The following NRXN3 variants were observed in gnomAD, a reference collection of about 807,000 sequenced individuals.
The protein encoded by NRXN3 is neurexin III.
Under a neutral mutation model 137.6 loss-of-function variants are expected in NRXN3, and 32 were observed. The ratio of observed to expected loss-of-function variants is 0.23; its 90% CI spans 0.18 to 0.31. The LOEUF (loss-of-function observed/expected upper bound fraction) is 0.31. Ranked by LOEUF, NRXN3 falls within the 10% of genes least tolerant of loss-of-function variation. The pLI is 1.00. For synonymous variants in NRXN3, 798 were observed against 784.5 expected (o/e 1.02, Z -0.29); for missense variants, 1,574 against 2,062.5 (o/e 0.76, Z 4.59).
intron 15 of NRXN3, among the ~76,000 whole-genome samples, chr14:79,228,404 A>T (rs1001870326): frequency 3.9e-5 from 6 of 152,174 alleles, no homozygotes; most frequent in Non-Finnish European, 8.8e-5. Flanking sequence ...TAAATTTTTT[A>T]AAAAGTGCAT....
chr14:79,811,840 C>T (rs1218420320), intron 20 of NRXN3, among the ~76,000 whole-genome samples: 2 of 151,976 alleles, frequency 1.3e-5, no homozygotes, highest in Non-Finnish European at 2.9e-5. Flanking sequence ...CCTCAGCCTC[C>T]CACAGTGCTG....
intron 4 of NRXN3, among the ~76,000 whole-genome samples, chr14:78,568,961 GT>G (rs34485878): frequency 4.9e-3 from 512 of 103,744 alleles, no homozygotes; most frequent in East Asian, 0.018. Context: ...GACTTTGCAG[GT>G]TTTTTTTTTT....
chr14:79,148,831 C>T (rs1356105056), intron 15 of NRXN3, among the ~76,000 whole-genome samples: 1 of 152,122 alleles, frequency 6.6e-6, no homozygotes, highest in Non-Finnish European at 1.5e-5. Flanking sequence ...TCCTTTTCTC[C>T]ACAAATCCTC....
chr14:78,558,952 T>A (rs2096763079), intron 4 of NRXN3, among the ~76,000 whole-genome samples: 1 of 152,234 alleles, frequency 6.6e-6, no homozygotes. Flanking sequence ...CCTGTCCTTG[T>A]AAACTACACT....
intron 4 of NRXN3, among the ~76,000 whole-genome samples, chr14:78,342,563 G>C (rs2153582756): frequency 6.6e-6 from 1 of 152,324 alleles, no homozygotes; most frequent in South Asian, 2.1e-4. Flanking sequence ...CAGCAAACCT[G>C]TGAGCTAGGT....
At chr14:79,783,304 G>A (rs1178935775) in intron 19 of NRXN3, among the ~76,000 whole-genome samples, 1 of 152,164 alleles carries the variant, frequency 6.6e-6, no homozygotes, top group Admixed American at 6.5e-5. Context: ...TCATTAACTA[G>A]GAGGAAATGT....
chr14:78,913,171 A>G lies in NRXN3; in HGVS notation c.2276-44071A>G, dbSNP rs1597314309. On this transcript the variant is annotated intron_variant, in intron 10 of 20. Transcript: ENST00000335750. ...AAGTAAGCACAAAAATGAGAAACTC[A>G]ATTCCATTTTTACAGCTTCCTTACA... Among the ~76,000 whole-genome samples, 4 of 151,978 alleles carry G rather than the reference A, an allele frequency of 2.6e-5. 1 individual carries two copies. The East Asian group carries it at 7.7e-4, about 29-fold the overall frequency.
At chr14:79,019,506 A>ATT (rs2099585151) in intron 15 of NRXN3, among the ~76,000 whole-genome samples, 1 of 152,190 alleles carries the variant, frequency 6.6e-6, no homozygotes. Flanking sequence ...AGGGCCAGGG[A>ATT]TAATGTAATT....
Position 78,243,019 on chromosome 14 carries a change from T to C in NRXN3, c.-75T>C. On this transcript the variant is annotated 5_prime_UTR_variant, in exon 2 of 21. Coordinates refer to ENST00000335750, the MANE Select transcript of NRXN3 (RefSeq NM_001330195.2). This position sits in a 1 kb window ranked among gnomAD's most constrained non-coding sequence, Gnocchi z 4.2. ...CTCTGTCTTGTCTTTCCCACTTCTA[T>C]TGCCAAAGGGAGAGATCCTCTCCGG... 1.8e-6 allele frequency: 2 copies of C among 1,103,916 alleles called. No homozygotes were observed. The highest frequency in any genetic ancestry group is 2.5e-6 in the Non-Finnish European group (2 of 793,470). 68.4% of individuals were successfully genotyped at this position (1,103,916 alleles called of 1,614,324 possible).
At chr14:79,772,938 AC>A (rs913327474) in intron 19 of NRXN3, among the ~76,000 whole-genome samples, 64 of 152,306 alleles carry the variant, frequency 4.2e-4, no homozygotes, top group African/African-American at 1.4e-3. Context: ...CAAGAAAAAA[AC>A]ATACAACCCC....
At chr14:79,770,911 A>T (rs1398121702) in intron 19 of NRXN3, among the ~76,000 whole-genome samples, 1 of 152,208 alleles carries the variant, frequency 6.6e-6, no homozygotes, top group Non-Finnish European at 1.5e-5. Flanking sequence ...GAGAAGAATC[A>T]AATAGATGCA....
chr14:79,087,613 GA>G (rs2048371602), intron 15 of NRXN3, among the ~76,000 whole-genome samples: 1 of 152,100 alleles, frequency 6.6e-6, no homozygotes, highest in African/African-American at 2.4e-5. Flanking sequence ...TCCTGGTACA[GA>G]AAAGGGGGAA....
At chr14:79,598,482 G>C (rs1307241876) in intron 16 of NRXN3, among the ~76,000 whole-genome samples, 3 of 152,238 alleles carry the variant, frequency 2.0e-5, no homozygotes, top group Non-Finnish European at 4.4e-5. Context: ...AAGAAGCTGG[G>C]AATTCCAGCA....
chr14:78,825,891 CCTCTA>C (rs1274713340), intron 10 of NRXN3, among the ~76,000 whole-genome samples: 3 of 152,194 alleles, frequency 2.0e-5, no homozygotes, highest in Non-Finnish European at 4.4e-5. Context: ...AGAAGATCCT[CCTCTA>C]CCAAAGTCAC....
chr14:79,366,587 TCTC>T (rs1322184272), intron 15 of NRXN3, among the ~76,000 whole-genome samples: 3 of 152,198 alleles, frequency 2.0e-5, no homozygotes, highest in Non-Finnish European at 2.9e-5. Flanking sequence ...TTTAGACTCT[TCTC>T]CTCTTTCTCT....
intron 6 of NRXN3, among the ~76,000 whole-genome samples, chr14:78,663,831 T>C (rs1466688962): frequency 6.6e-6 from 1 of 152,170 alleles, no homozygotes; most frequent in Non-Finnish European, 1.5e-5. Context: ...CTTGTGTCTT[T>C]GAAAGCCTCA....
chr14:78,847,444 G>A (rs2099030366), intron 10 of NRXN3, among the ~76,000 whole-genome samples: 1 of 152,090 alleles, frequency 6.6e-6, no homozygotes, highest in African/African-American at 2.4e-5. Context: ...TGTTCAAAAA[G>A]CACTTTGTCA....
chr14:78,290,768 A>C lies in NRXN3; in HGVS notation c.728-7063A>C, dbSNP rs539132741. Among the ~76,000 whole-genome samples the C allele has an allele frequency of 3.9e-5, 6 of 152,220 alleles. No homozygotes were observed. The East Asian group carries it at 7.7e-4, about 20-fold the overall frequency. On this transcript the variant is annotated intron_variant, in intron 3 of 20. Coordinates refer to ENST00000335750, the MANE Select transcript of NRXN3 (RefSeq NM_001330195.2). ...ATGGTGGCAGACTTCTTCAGTCTGC[A>C]TGTCTCTTGAGTTTCTCCATTCAAA... is the stretch of plus-strand genomic sequence containing the variant.
At chr14:79,280,606 TA>T in intron 15 of NRXN3, 1 of 1,435,466 alleles carries the variant, frequency 7.0e-7, no homozygotes, top group African/African-American at 1.4e-5. Context: ...GCCTTGCAGG[TA>T]GTGTCAAAGG....
Sources: gnomAD v4.1 joint callset for allele counts (sites outside exome capture counted in the v4.1 genomes callset) on GRCh38, gnomAD v4.1.1 for gene constraint, Gnocchi (gnomAD v3.1) non-coding constraint, MANE v1.5 for transcripts, NCBI Gene and HGNC (gene_info 2026-07-23, HGNC 2026-07-21) for gene names.